Variants in ACSM2A observed in about 807,000 individuals in gnomAD.
ACSM2A encodes the protein acyl-coenzyme A synthetase ACSM2A, mitochondrial.
Under a neutral mutation model 76.6 loss-of-function variants are expected in ACSM2A, and 72 were observed. The ratio of observed to expected loss-of-function variants is 0.94; its 90% CI spans 0.78 to 1.14. The LOEUF (loss-of-function observed/expected upper bound fraction) is 1.14. Ranked by LOEUF, ACSM2A falls within the 50% of genes most tolerant of loss-of-function variation. The pLI is 0.00. For missense variants in ACSM2A, 684 were observed against 708.5 expected (o/e 0.97, Z 0.39); for synonymous variants, 249 against 255.9 (o/e 0.97, Z 0.26).
At chr16:20,467,864 T>A (rs575996758) in intron 3 of ACSM2A, among the ~76,000 whole-genome samples, 1 of 152,164 alleles carries the variant, frequency 6.6e-6, no homozygotes, top group Admixed American at 6.5e-5. Flanking sequence ...TACAGTGGTA[T>A]CAAAAAGAAC....
intron 10 of ACSM2A, among the ~76,000 whole-genome samples, chr16:20,479,480 ATTG>A: frequency 1.3e-5 from 2 of 152,176 alleles, no homozygotes; most frequent in Admixed American, 6.5e-5. Flanking sequence ...TCTACTATGT[ATTG>A]CATGATCTTA....
chr16:20,467,465 G>A (rs2013077251), intron 3 of ACSM2A, among the ~76,000 whole-genome samples: 1 of 152,154 alleles, frequency 6.6e-6, no homozygotes, highest in African/African-American at 2.4e-5. Context: ...GACAATAGTG[G>A]GGTTGGAAAT....
intron 9 of ACSM2A, among the ~76,000 whole-genome samples, chr16:20,478,088 TATG>T (rs1171557295): frequency 6.6e-6 from 1 of 152,240 alleles, no homozygotes; most frequent in Non-Finnish European, 1.5e-5. Flanking sequence ...TGCCATTCAC[TATG>T]ATAACCATTT....
In ACSM2A at chr16:20,465,528, A is replaced by T. The variant is rs1596651178; in HGVS notation, c.189A>T (p.Arg63=). 6.2e-7 allele frequency: 1 copy of T among 1,613,732 alleles called. No individual in the cohort carries two copies. The stretch of plus-strand genomic sequence containing the variant: ...TTCTCTTTCCTCAGGCTGGCAAGCG[A>T]CTCCCAAGCCCAGCCCTGTGGTGGG... ...HWADMEKAGK[R]LPSPALWWVN... The change falls in exon 3 of 14, where the codon CGA becomes CGT. Residue 63 remains arginine (R), a synonymous_variant. Coordinates refer to ENST00000573854, the MANE Select transcript of ACSM2A (RefSeq NM_001308172.2).
intron 9 of ACSM2A, among the ~76,000 whole-genome samples, chr16:20,477,924 T>C (rs2013845948): frequency 6.6e-6 from 1 of 152,178 alleles, no homozygotes; most frequent in Non-Finnish European, 1.5e-5. Context: ...AAAAATACAC[T>C]ATAATGAATG....
chr16:20,483,784 C>G (rs1156948490), intron 13 of ACSM2A, among the ~76,000 whole-genome samples: 1 of 151,966 alleles, frequency 6.6e-6, no homozygotes, highest in Non-Finnish European at 1.5e-5. Flanking sequence ...CAGGGTTGTG[C>G]AACGCTCAGT....
intron 4 of ACSM2A, 196 bp from the exon 5 acceptor site, chr16:20,470,877 T>C (rs950141920): frequency 1.6e-5 from 13 of 811,912 alleles, no homozygotes; most frequent in African/African-American, 1.4e-4. Context: ...TAACAAAGTG[T>C]GAAACTTCAG....
intron 1 of ACSM2A, among the ~76,000 whole-genome samples, chr16:20,457,545 C>T (rs1331191887): frequency 6.6e-6 from 1 of 152,046 alleles, no homozygotes; most frequent in Non-Finnish European, 1.5e-5. Flanking sequence ...ACCACATAAA[C>T]AGAATTAAAA....
Position 20,465,685 on chromosome 16 carries a change from G to C in ACSM2A, c.346G>C (p.Val116Leu), listed in dbSNP as rs1277319251. The C allele has an allele frequency of 1.9e-6, 3 of 1,613,866 alleles. No homozygotes were observed. The African/African-American group carries it at 4.0e-5, about 22-fold the overall frequency. The part of the protein sequence containing the change: ...GDRVAVVLPR[V>L]PEWWLVILGC... ...TCGTGTGGCAGTGGTGCTGCCCCGA[G>C]TGCCTGAGTGGTGGCTGGTGATCCT... The change falls in exon 3 of 14, where the codon GTG (valine) becomes CTG (leucine). Residue 116 changes from valine to leucine, a missense_variant. Val to Leu is a conservative substitution (Grantham distance 32). This residue lies in a region of ACSM2A where 519 missense variants were observed against 549.5 expected (regional missense o/e 0.94). Transcript: ENST00000573854.
intron 2 of ACSM2A, among the ~76,000 whole-genome samples, chr16:20,462,271 G>C (rs1023100493): frequency 6.6e-6 from 1 of 152,046 alleles, no homozygotes; most frequent in African/African-American, 2.4e-5. Context: ...TAGCAGAATT[G>C]AGACCCCTAC....
At chr16:20,472,505 G>T (rs1319765036) in intron 6 of ACSM2A, among the ~76,000 whole-genome samples, 1 of 152,092 alleles carries the variant, frequency 6.6e-6, no homozygotes, top group African/African-American at 2.4e-5. Context: ...CAAGTTGAGG[G>T]TTAGAGCTTT....
chr16:20,463,675 T>C (rs1248307706), intron 2 of ACSM2A, among the ~76,000 whole-genome samples: 1 of 152,066 alleles, frequency 6.6e-6, no homozygotes, highest in African/African-American at 2.4e-5. Flanking sequence ...CCAATTAAAC[T>C]TTTTTCTTTA....
chr16:20,469,822 T>A, intron 4 of ACSM2A, 103 bp downstream of exon 4: 1 of 1,506,516 alleles, frequency 6.6e-7, no homozygotes, highest in Non-Finnish European at 9.1e-7. Context: ...AAGAACAGCA[T>A]GGGACTAGGA....
Position 20,457,381 on chromosome 16 carries a change from A to G in ACSM2A, c.-8-2726A>G, listed in dbSNP as rs556244654. ...AACAAAGAAAGAAAACTACAGACCAATATCCTTGATGAACATAGATGCAAA... is the reference window on the plus strand; with the variant it reads ...AACAAAGAAAGAAAACTACAGACCAGTATCCTTGATGAACATAGATGCAAA... On this transcript the variant is annotated intron_variant, in intron 1 of 13. Transcript: ENST00000573854. Among the ~76,000 whole-genome samples, 17 of 152,274 alleles carry G rather than the reference A, an allele frequency of 1.1e-4. No individual in the cohort carries two copies. The South Asian group carries it at 3.1e-3, about 28-fold the overall frequency.
At chr16:20,482,422 G>A (rs1363859062) in intron 12 of ACSM2A, 2 of 152,156 alleles carry the variant, frequency 1.3e-5, no homozygotes, top group Non-Finnish European at 2.9e-5. Context: ...GGCTCAGATG[G>A]GGTCTAGTGG....
At chr16:20,454,794 T>C (rs1372577717) in intron 1 of ACSM2A, among the ~76,000 whole-genome samples, 1 of 151,044 alleles carries the variant, frequency 6.6e-6, no homozygotes, top group Non-Finnish European at 1.5e-5. Flanking sequence ...TCACCAGCAA[T>C]GGATCCAAAC....
chr16:20,467,889 G>T (rs899972311), intron 3 of ACSM2A, among the ~76,000 whole-genome samples: 18 of 152,154 alleles, frequency 1.2e-4, no homozygotes, highest in African/African-American at 4.3e-4. Context: ...AGAAACTCCA[G>T]CAACCTCCTT....
At chr16:20,458,597 T>TA (rs2012354932) in intron 1 of ACSM2A, among the ~76,000 whole-genome samples, 2 of 144,062 alleles carry the variant, frequency 1.4e-5, no homozygotes, top group South Asian at 2.1e-4. Context: ...ATATATATTT[T>TA]TTATATATAT....
At chr16:20,476,214 C>A (rs1457908509) in intron 8 of ACSM2A, 2 of 1,000,912 alleles carry the variant, frequency 2.0e-6, no homozygotes, top group Non-Finnish European at 1.2e-6. Flanking sequence ...GGAAGAAGAA[C>A]CCACCATGAC....
Sources: gnomAD v4.1 joint callset for allele counts (sites outside exome capture counted in the v4.1 genomes callset) on GRCh38, gnomAD v4.1.1 for gene constraint, gnomAD v4.1.1 regional missense constraint, MANE v1.5 for transcripts, NCBI Gene and HGNC (gene_info 2026-07-23, HGNC 2026-07-21) for gene names.